RNF212B: variants seen among roughly 807,000 people sequenced by gnomAD.
RNF212B encodes ring finger protein 212B.
Under a neutral mutation model 55.5 loss-of-function variants are expected in RNF212B, and 52 were observed. The observed-to-expected ratio is 0.94, with a 90% CI of 0.75 to 1.18. The LOEUF is 1.18. Among genes scored for constraint, RNF212B ranks in the 50% most tolerant of loss-of-function variants. The pLI is 0.00. For synonymous variants in RNF212B, 99 were observed against 121.4 expected, an observed-to-expected ratio of 0.82 and a Z score of 1.21; for missense variants, 289 against 350.4, an observed-to-expected ratio of 0.82 and a Z score of 1.40.
chr14:23,201,779 A>G (rs754940846), intron 2 of RNF212B, among the ~76,000 whole-genome samples: 1 of 152,224 alleles, frequency 6.6e-6, no homozygotes, highest in Non-Finnish European at 1.5e-5. Context: ...TTTCAAAAAT[A>G]GTGAAAACCT....
chr14:23,246,712 G>C (rs1594928088), intron 4 of RNF212B, among the ~76,000 whole-genome samples: 1 of 152,120 alleles, frequency 6.6e-6, no homozygotes, highest in Non-Finnish European at 1.5e-5. Flanking sequence ...ACAGGTGTGA[G>C]CCACCATGCC....
At chr14:23,226,031 G>A (rs1881973271) in intron 2 of RNF212B, among the ~76,000 whole-genome samples, 1 of 152,036 alleles carries the variant, frequency 6.6e-6, no homozygotes, top group African/African-American at 2.4e-5. Flanking sequence ...TGGGCGCGGT[G>A]GCTCACGCCT....
intron 4 of RNF212B, among the ~76,000 whole-genome samples, chr14:23,257,536 C>A (rs1292748115): frequency 6.6e-6 from 1 of 151,982 alleles, no homozygotes. Flanking sequence ...GAGAAGAGTA[C>A]CAAGATCTAG....
intron 2 of RNF212B, among the ~76,000 whole-genome samples, chr14:23,217,286 G>A (rs1028252248): frequency 2.0e-4 from 31 of 152,034 alleles, no homozygotes; most frequent in Admixed American, 1.9e-3. Context: ...TGTGGAAAGG[G>A]GAGGGAAGAG....
chr14:23,227,756 C>T (rs1035849608), intron 2 of RNF212B, among the ~76,000 whole-genome samples: 13 of 151,880 alleles, frequency 8.6e-5, no homozygotes, highest in African/African-American at 1.5e-4. Flanking sequence ...TGCATCAGCA[C>T]GCCTGGCTAA....
At chr14:23,210,699 C>A (rs568191187) in intron 2 of RNF212B, among the ~76,000 whole-genome samples, 52 of 135,898 alleles carry the variant, frequency 3.8e-4, no homozygotes, top group Non-Finnish European at 6.0e-4. Flanking sequence ...ATTGCATGAG[C>A]CCAGGAGGTG....
chr14:23,216,926 A>T (rs919581555), intron 2 of RNF212B, among the ~76,000 whole-genome samples: 60 of 150,852 alleles, frequency 4.0e-4, no homozygotes, highest in African/African-American at 1.4e-3. Flanking sequence ...AAGGTTACAG[A>T]TTGTATGATT....
chr14:23,242,202 C>T (rs1438591119), intron 2 of RNF212B, among the ~76,000 whole-genome samples: 1 of 36,210 alleles, frequency 2.8e-5, no homozygotes, highest in Non-Finnish European at 5.8e-5. Flanking sequence ...GTACCAATCT[C>T]ATGACCTTTT....
At chr14:23,262,562 A>G (rs1466743765) in intron 7 of RNF212B, 103 bp from the exon 8 acceptor site, 64 of 980,988 alleles carry the variant, frequency 6.5e-5, no homozygotes, top group Non-Finnish European at 9.6e-5. Context: ...GTCCTCAGAG[A>G]GGAAGCTATT....
intron 4 of RNF212B, among the ~76,000 whole-genome samples, chr14:23,250,585 G>A (rs1032323258): frequency 4.0e-5 from 6 of 151,732 alleles, no homozygotes; most frequent in Non-Finnish European, 5.9e-5. Context: ...TTACTTATTA[G>A]TTCATGTGTC....
chr14:23,195,266 GA>G lies in RNF212B; in HGVS notation c.-2+1877del, dbSNP rs398056931. ...AACATAGTGACACTCTGTCTCTAAA[GA>G]AAAAAAAAAAACCCATGAGATGCAG... On this transcript the variant is annotated intron_variant, in intron 2 of 15. Coordinates refer to the RNF212B transcript ENST00000399910. 1.3e-3 allele frequency among the ~76,000 whole-genome samples: 170 copies of G among 127,642 alleles called. 1 individual carries two copies. The highest frequency in any genetic ancestry group is 4.5e-3 in the East Asian group (20 of 4,420). The allele number at this position is 127,642 out of a possible 152,430, so 83.7% of individuals were successfully genotyped here. A position where few individuals can be genotyped will look rare whatever the true frequency, so the allele number is the denominator to read the frequency against.
chr14:23,202,862 A>T (rs1879448072), intron 2 of RNF212B, among the ~76,000 whole-genome samples: 2 of 152,074 alleles, frequency 1.3e-5, no homozygotes, highest in Non-Finnish European at 2.9e-5. Flanking sequence ...AAAAAAAAAA[A>T]AAAAAAATTG....
At chr14:23,225,957 A>G (rs890055556) in intron 2 of RNF212B, among the ~76,000 whole-genome samples, 7 of 152,192 alleles carry the variant, frequency 4.6e-5, no homozygotes, top group Non-Finnish European at 7.3e-5. Flanking sequence ...GTACCCTGTA[A>G]GTATACACAC....
intron 2 of RNF212B, among the ~76,000 whole-genome samples, chr14:23,224,688 T>G (rs1881856120): frequency 6.6e-6 from 1 of 152,092 alleles, no homozygotes; most frequent in South Asian, 2.1e-4. Flanking sequence ...AGGACACTGG[T>G]CCGGGCAAAA....
chr14:23,264,792 C>G, intron 11 of RNF212B, 121 bp downstream of exon 11: 1 of 460,240 alleles, frequency 2.2e-6, no homozygotes, highest in South Asian at 1.1e-4. Context: ...GACAGTGATT[C>G]CATGTATCCA....
At chr14:23,216,162 C>T (rs145320562) in intron 2 of RNF212B, among the ~76,000 whole-genome samples, 1,924 of 152,234 alleles carry the variant, frequency 0.013, 39 homozygotes, top group African/African-American at 0.042. Context: ...AGGAGAATGG[C>T]GTGAACCTGG....
intron 2 of RNF212B, among the ~76,000 whole-genome samples, chr14:23,198,512 T>TAA (rs1878953899): frequency 6.6e-6 from 1 of 151,834 alleles, no homozygotes; most frequent in Non-Finnish European, 1.5e-5. Flanking sequence ...CCGTCTCTAC[T>TAA]AAAAATAAAA....
chr14:23,238,324 C>T (rs1045401697), intron 1 of RNF212B, among the ~76,000 whole-genome samples: 3 of 152,090 alleles, frequency 2.0e-5, no homozygotes, highest in Non-Finnish European at 4.4e-5. Flanking sequence ...AATAGGACAA[C>T]GAAGCTCGTG....
chr14:23,197,302 G>A (rs1169761325), intron 2 of RNF212B, among the ~76,000 whole-genome samples: 1 of 152,238 alleles, frequency 6.6e-6, no homozygotes, highest in Non-Finnish European at 1.5e-5. Context: ...TGAGGCAGGT[G>A]GATTTCATGA....
Sources: allele counts gnomAD v4.1 joint callset (sites outside exome capture counted in the v4.1 genomes callset), GRCh38; gene constraint gnomAD v4.1.1; transcripts MANE v1.5; gene names NCBI Gene and HGNC (gene_info 2026-07-23, HGNC 2026-07-21).